The following NCK1 variants were observed in gnomAD, a reference collection of about 807,000 sequenced individuals.
NCK1 encodes the protein SH2/SH3 adapter protein NCK1.
In NCK1, 19 loss-of-function variants were observed where a neutral mutation model predicts 36.6. That is an observed-to-expected ratio of 0.52 (90% CI 0.36 to 0.76). The LOEUF (loss-of-function observed/expected upper bound fraction) is 0.76. Ranked by LOEUF, NCK1 falls within the 30% of genes least tolerant of loss-of-function variation. NCK1 has a pLI of 0.00. For synonymous variants in NCK1, 165 were observed against 156.0 expected (o/e 1.06, Z -0.43); for missense variants, 358 against 445.6 (o/e 0.80, Z 1.77).
chr3:136,918,562 T>TC (rs1940023534), intron 1 of NCK1, among the ~76,000 whole-genome samples: 1 of 152,186 alleles, frequency 6.6e-6, no homozygotes, highest in South Asian at 2.1e-4. Flanking sequence ...GGCACTGATT[T>TC]CCCTTAGATT....
intron 1 of NCK1, among the ~76,000 whole-genome samples, chr3:136,893,931 C>T (rs1348953058): frequency 6.6e-6 from 1 of 152,142 alleles, no homozygotes; most frequent in Non-Finnish European, 1.5e-5. Flanking sequence ...GTCCTTTCGG[C>T]TTTCATCCTT....
intron 1 of NCK1, among the ~76,000 whole-genome samples, chr3:136,882,672 C>T (rs1203820166): frequency 9.2e-5 from 14 of 151,836 alleles, no homozygotes; most frequent in African/African-American, 3.4e-4. Flanking sequence ...GCTTTGGCTT[C>T]TCAGATTGTT....
intron 2 of NCK1, among the ~76,000 whole-genome samples, chr3:136,934,326 C>A (rs1264034639): frequency 6.6e-6 from 1 of 151,932 alleles, no homozygotes; most frequent in Non-Finnish European, 1.5e-5. Flanking sequence ...CACTCTGTTG[C>A]CCAGGTTGGA....
In NCK1 at chr3:136,897,417, T is replaced by A. The variant is rs531216627; in HGVS notation, c.-18-30567T>A. Reference sequence around the variant, plus strand: ...TTTTTTGTTATTTAAATAACAGCCATTTTAACTTGGCTGAAATGATATTTC... The same window carrying A: ...TTTTTTGTTATTTAAATAACAGCCAATTTAACTTGGCTGAAATGATATTTC... On this transcript the variant is annotated intron_variant, in intron 1 of 3. Transcript: ENST00000481752. Among the ~76,000 whole-genome samples the A allele has an allele frequency of 9.8e-5, 15 of 152,288 alleles. No homozygotes were observed. In the East Asian group the frequency reaches 2.9e-3, roughly 29 times the overall value.
rs543255789 is a variant in NCK1 at position 136,941,120 on chromosome 3, T to C, written c.227-4463T>C. Among the ~76,000 whole-genome samples, 286 of 144,300 alleles carry C rather than the reference T, an allele frequency of 2.0e-3. 6 individuals are homozygous for C. The highest frequency in any genetic ancestry group is 0.014 in the Admixed American group (209 of 14,504). The allele number at this position is 144,300 out of a possible 152,430, so 94.7% of individuals were successfully genotyped here. ...CTTCTTTTGTGATTTCTTTTTCTTTTTTTTTTTTTTTTTTGGAGGGTGGGG... is the reference window on the plus strand; with the variant it reads ...CTTCTTTTGTGATTTCTTTTTCTTTCTTTTTTTTTTTTTTGGAGGGTGGGG... On this transcript the variant is annotated intron_variant, in intron 2 of 3. Coordinates refer to ENST00000481752, the MANE Select transcript of NCK1 (RefSeq NM_001291999.2).
chr3:136,878,035 G>A (rs575254544), intron 1 of NCK1, among the ~76,000 whole-genome samples: 6 of 152,308 alleles, frequency 3.9e-5, no homozygotes, highest in African/African-American at 1.4e-4. Flanking sequence ...AACCTTGAAA[G>A]CATTATGCTG....
At position 136,928,221 on chromosome 3, in the gene NCK1, A is replaced by T; in HGVS notation, c.220A>T (p.Thr74Ser). 2 of 1,590,930 alleles carry T rather than the reference A, an allele frequency of 1.3e-6. No individual in the cohort carries two copies. The highest frequency in any genetic ancestry group is 1.7e-6 in the Non-Finnish European group (2 of 1,172,966). The change falls in exon 2 of 4, where the codon ACC becomes TCC. Residue 74 changes from threonine to serine, a missense_variant. Coordinates refer to ENST00000481752, the MANE Select transcript of NCK1 (RefSeq NM_001291999.2). ...KASIVKNLKDTLGIGKVKRKP... is the reference protein window; with the variant it reads ...KASIVKNLKDSLGIGKVKRKP... ...ATCTATTGTGAAAAACCTAAAGGAT[A>T]CCTTAGGTAAGATATTTTTTAAAAG...
At chr3:136,936,089 G>A (rs1940523179) in intron 2 of NCK1, among the ~76,000 whole-genome samples, 1 of 149,854 alleles carries the variant, frequency 6.7e-6, no homozygotes, top group African/African-American at 2.5e-5. Context: ...CACACAGGCT[G>A]GAGTGCAGTG....
intron 1 of NCK1, among the ~76,000 whole-genome samples, chr3:136,888,113 T>G (rs1939123210): frequency 6.6e-6 from 1 of 151,876 alleles, no homozygotes; most frequent in Non-Finnish European, 1.5e-5. Flanking sequence ...CCTGGCTAAT[T>G]TTTGTATTTT....
At chr3:136,902,725 G>C (rs1939577499) in intron 1 of NCK1, among the ~76,000 whole-genome samples, 1 of 150,758 alleles carries the variant, frequency 6.6e-6, no homozygotes, top group Non-Finnish European at 1.5e-5. Context: ...TCAGGCAAGA[G>C]GGAAAAAAAG....
chr3:136,948,650 C>G lies in NCK1; in HGVS notation c.*197C>G, dbSNP rs1277225094. The stretch of plus-strand genomic sequence containing the variant: ...GCAGTGCATCTGCATAGAACAGTTC[C>G]TTATCCTTGGCCTTCTGTTTTATTG... On this transcript the variant is annotated 3_prime_UTR_variant, in exon 4 of 4. Transcript: ENST00000481752. 2.7e-6 allele frequency: 1 copy of G among 375,406 alleles called. No individual in the cohort carries two copies. The highest frequency in any genetic ancestry group is 4.8e-6 in the Non-Finnish European group (1 of 210,214). 23.3% of individuals were successfully genotyped at this position (375,406 alleles called of 1,614,324 possible). A position where few individuals can be genotyped will look rare whatever the true frequency, so the allele number is the denominator to read the frequency against.
intron 1 of NCK1, among the ~76,000 whole-genome samples, chr3:136,871,468 A>C (rs1313664786): frequency 6.6e-6 from 1 of 152,192 alleles, no homozygotes; most frequent in Non-Finnish European, 1.5e-5. Flanking sequence ...CACAAATTTA[A>C]ATGTATAGAA....
chr3:136,865,802 C>G (rs1412939615), intron 1 of NCK1, among the ~76,000 whole-genome samples: 1 of 152,188 alleles, frequency 6.6e-6, no homozygotes, highest in African/African-American at 2.4e-5. Context: ...TGATCCTCAC[C>G]TTAAACTCTA....
chr3:136,931,474 ATGTGAAGACTCATT>A (rs1940388851), intron 2 of NCK1, among the ~76,000 whole-genome samples: 1 of 152,208 alleles, frequency 6.6e-6, no homozygotes, highest in South Asian at 2.1e-4. Flanking sequence ...TGTAATTGTA[ATGTGAAGACTCATT>A]TGTTAGCTTT....
chr3:136,898,299 A>T (rs1050354704), intron 1 of NCK1, among the ~76,000 whole-genome samples: 1 of 150,024 alleles, frequency 6.7e-6, no homozygotes, highest in African/African-American at 2.5e-5. Context: ...GGGGAGGCTG[A>T]GGCATGAGAA....
At chr3:136,933,419 A>G (rs925575685) in intron 2 of NCK1, among the ~76,000 whole-genome samples, 2 of 152,218 alleles carry the variant, frequency 1.3e-5, no homozygotes, top group African/African-American at 2.4e-5. Flanking sequence ...TGTCATATGA[A>G]GAAGGAATGT....
At chr3:136,946,553 AT>A (rs1940832838) in intron 3 of NCK1, among the ~76,000 whole-genome samples, 1 of 152,180 alleles carries the variant, frequency 6.6e-6, no homozygotes, top group South Asian at 2.1e-4. Context: ...CATTCCTGAT[AT>A]ATTTTCTGTT....
At chr3:136,919,755 G>A (rs938375027) in intron 1 of NCK1, among the ~76,000 whole-genome samples, 5 of 152,136 alleles carry the variant, frequency 3.3e-5, no homozygotes, top group Non-Finnish European at 5.9e-5. Flanking sequence ...ACTGTTGGCT[G>A]TGTATATAGG....
intron 1 of NCK1, among the ~76,000 whole-genome samples, chr3:136,896,161 C>T (rs1014200281): frequency 6.6e-6 from 1 of 152,172 alleles, no homozygotes; most frequent in Non-Finnish European, 1.5e-5. Flanking sequence ...GTCCTCTCTT[C>T]TATCTACTTT....
Sources: allele counts gnomAD v4.1 joint callset (sites outside exome capture counted in the v4.1 genomes callset), GRCh38; gene constraint gnomAD v4.1.1; transcripts MANE v1.5; gene names NCBI Gene and HGNC (gene_info 2026-07-23, HGNC 2026-07-21).